The following ITPRIP variants were observed in gnomAD, a reference collection of about 807,000 sequenced individuals.
ITPRIP encodes the protein inositol 1,4,5-trisphosphate receptor interacting protein.
ITPRIP carries 32 observed loss-of-function variants against 35.8 expected under a neutral mutation model. The ratio of observed to expected loss-of-function variants is 0.89; its 90% confidence interval spans 0.68 to 1.20. The LOEUF is 1.20. Among genes scored for constraint, ITPRIP ranks in the 50% most tolerant of loss-of-function variants. The pLI is 0.00. For synonymous variants in ITPRIP, 358 were observed against 324.0 expected (o/e 1.11, Z -1.13); for missense variants, 653 against 735.6 (o/e 0.89, Z 1.30).
chr10:104,318,014 C>T (rs935232127), intron 1 of ITPRIP, among the ~76,000 whole-genome samples: 6 of 152,164 alleles, frequency 3.9e-5, no homozygotes, highest in African/African-American at 1.4e-4. Flanking sequence ...TCAGTGTGGG[C>T]CTCAGAGGTG....
chr10:104,315,004 G>A lies in ITPRIP; in HGVS notation c.1048C>T (p.Pro350Ser), dbSNP rs1389278976. The change falls in exon 2 of 2, where the codon CCT (proline) becomes TCT (serine). Residue 350 changes from proline to serine, a missense_variant. By Grantham distance (74) the Pro-to-Ser change is moderately conservative. Coordinates refer to ENST00000337478, the MANE Select transcript of ITPRIP (RefSeq NM_001272013.2). The surrounding 1 kb of genome is among the most constrained non-coding windows in gnomAD (Gnocchi z 5.7). ...TCCGAGTCATCACACTGGATCACAG[G>A]AATCAGGTTGAAGGGCATGAACTTC... ...SGKFMPFNLI[P>S]VIQCDDSDLY... 2 of 1,613,998 alleles carry A rather than the reference G, an allele frequency of 1.2e-6. No individual in the cohort carries two copies. Among genetic ancestry groups the A allele is most frequent in the East Asian group, 2.2e-5 (1 of 44,888 alleles).
intron 1 of ITPRIP, among the ~76,000 whole-genome samples, chr10:104,319,736 C>G (rs1205185362): frequency 2.6e-5 from 4 of 152,002 alleles, no homozygotes; most frequent in Non-Finnish European, 5.9e-5. Flanking sequence ...TTCCCAAACC[C>G]AGTCACAGGA....
Position 104,313,202 on chromosome 10 carries a change from T to C in ITPRIP, c.*1206A>G, listed in dbSNP as rs1564859562. 1.7e-5 allele frequency: 17 copies of C among 985,400 alleles called. No homozygotes were observed. Among genetic ancestry groups the C allele is most frequent in the East Asian group, 1.1e-4 (1 of 8,818 alleles). The allele number at this position is 985,400 out of a possible 1,614,324, so 61.0% of individuals were successfully genotyped here. A position where few individuals can be genotyped will look rare whatever the true frequency, so the allele number is the denominator to read the frequency against. ...CTTCCATGCACACCCTGCCCTAGGA[T>C]TGGGACCCTGAGGACAACCTGGGGC... On this transcript the variant is annotated 3_prime_UTR_variant, in exon 2 of 2. Coordinates refer to ENST00000337478, the MANE Select transcript of ITPRIP (RefSeq NM_001272013.2).
At chr10:104,337,567 G>A (rs1457223595) in intron 1 of ITPRIP, among the ~76,000 whole-genome samples, 1 of 151,934 alleles carries the variant, frequency 6.6e-6, no homozygotes, top group African/African-American at 2.4e-5. Context: ...TTCACCAGGC[G>A]GCCAGAATGG....
At chr10:104,335,552 C>CGGG (rs1293557519) in intron 1 of ITPRIP, among the ~76,000 whole-genome samples, 1 of 152,200 alleles carries the variant, frequency 6.6e-6, no homozygotes, top group East Asian at 1.9e-4. Flanking sequence ...AGGAAAGTCA[C>CGGG]TTGATTCTTG....
In ITPRIP at chr10:104,315,369, C is replaced by T. The variant is rs778155979; in HGVS notation, c.683G>A (p.Cys228Tyr). ...EPYRFHPELW[C>Y]SGRSVPLDRQ... Reference sequence around the variant, plus strand: ...ATCCAGGGGCACTGAGCGGCCGGAGCACCAGAGCTCTGGGTGGAAGCGGTA... The same window carrying T: ...ATCCAGGGGCACTGAGCGGCCGGAGTACCAGAGCTCTGGGTGGAAGCGGTA... The change falls in exon 2 of 2, where the codon TGC (cysteine) becomes TAC (tyrosine). Residue 228 changes from cysteine (C) to tyrosine (Y), a missense_variant. Coordinates refer to ENST00000337478, the MANE Select transcript of ITPRIP (RefSeq NM_001272013.2). This position sits in a 1 kb window ranked among gnomAD's most constrained non-coding sequence, Gnocchi z 5.7. 1.3e-6 allele frequency: 2 copies of T among 1,562,806 alleles called. No homozygotes were observed. The highest frequency in any genetic ancestry group is 1.7e-6 in the Non-Finnish European group (2 of 1,151,490).
intron 1 of ITPRIP, among the ~76,000 whole-genome samples, chr10:104,322,543 G>A (rs190917041): frequency 1.3e-5 from 2 of 152,308 alleles, no homozygotes; most frequent in Admixed American, 1.3e-4. Context: ...AGCCCTCTAG[G>A]TCATTCTAAT....
At position 104,313,745 on chromosome 10, in the gene ITPRIP, G is replaced by A. The variant is rs182593414; in HGVS notation, c.*663C>T. On this transcript the variant is annotated 3_prime_UTR_variant, in exon 2 of 2. Transcript: ENST00000337478. Reference sequence around the variant, plus strand: ...CTGAGTGAGAAGTGTAGCTGAAAAAGTGGCTAATTGTGTTTCTCTATGCCA... The same window carrying A: ...CTGAGTGAGAAGTGTAGCTGAAAAAATGGCTAATTGTGTTTCTCTATGCCA... 1.0e-6 allele frequency: 1 copy of A among 985,526 alleles called. No individual in the cohort carries two copies. Among genetic ancestry groups the A allele is most frequent in the Admixed American group, 6.1e-5 (1 of 16,282 alleles). 61.0% of individuals were successfully genotyped at this position (985,526 alleles called of 1,614,324 possible).
At chr10:104,322,294 G>A (rs1372546889) in intron 1 of ITPRIP, among the ~76,000 whole-genome samples, 4 of 152,116 alleles carry the variant, frequency 2.6e-5, no homozygotes, top group African/African-American at 9.7e-5. Flanking sequence ...TCATCACACC[G>A]CTTTTGCCCC....
intron 1 of ITPRIP, among the ~76,000 whole-genome samples, chr10:104,327,509 C>G (rs1461786714): frequency 6.6e-6 from 1 of 152,162 alleles, no homozygotes; most frequent in African/African-American, 2.4e-5. Flanking sequence ...CTCTGCTGGC[C>G]AAAACCCTAC....
chr10:104,315,810 T>G lies in ITPRIP; in HGVS notation c.242A>C (p.Glu81Ala). ...CCAGAGGTCCCAGGCCACGCGTGTC[T>G]CGTTCTGCTGCCTGCCCTCCTCCGC... ...QVAEEGRQQNETRVAWDLWST... is the reference protein window; with the variant it reads ...QVAEEGRQQNATRVAWDLWST... The change falls in exon 2 of 2, where the codon GAG becomes GCG. Residue 81 changes from glutamate to alanine, a missense_variant. Physicochemically the swap from Glu to Ala is moderately radical, Grantham distance 107. Coordinates refer to ENST00000337478, the MANE Select transcript of ITPRIP (RefSeq NM_001272013.2). The surrounding 1 kb of genome is among the most constrained non-coding windows in gnomAD (Gnocchi z 5.7). 1 of 1,613,614 alleles carries G rather than the reference T, an allele frequency of 6.2e-7. No homozygotes were observed. The highest frequency in any genetic ancestry group is 8.5e-7 in the Non-Finnish European group (1 of 1,179,728).
chr10:104,315,214 A>C lies in ITPRIP; in HGVS notation c.838T>G (p.Cys280Gly). The C allele has an allele frequency of 6.2e-7, 1 of 1,613,976 alleles. No individual in the cohort carries two copies. The highest frequency in any genetic ancestry group is 8.5e-7 in the Non-Finnish European group (1 of 1,179,948). Reference protein sequence around the residue: ...LHGRNSMAPPCGDMENLLCAT... With the variant: ...LHGRNSMAPPGGDMENLLCAT... ...CACAGCAGGTTCTCCATGTCGCCGC[A>C]GGGAGGCGCCATGCTGTTCCTGCCG... is the stretch of plus-strand genomic sequence containing the variant. The change falls in exon 2 of 2, where the codon TGC becomes GGC. Residue 280 changes from cysteine (C) to glycine (G), a missense_variant. Coordinates refer to ENST00000337478, the MANE Select transcript of ITPRIP (RefSeq NM_001272013.2). The surrounding 1 kb of genome is among the most constrained non-coding windows in gnomAD (Gnocchi z 5.7).
Position 104,310,207 on chromosome 10 carries a change from T to C in ITPRIP, c.*4201A>G, listed in dbSNP as rs1172790770. On this transcript the variant is annotated 3_prime_UTR_variant, in exon 2 of 2. Transcript: ENST00000337478. ...TTCTGAATCACAGCCTTGGGGTGGC[T>C]TGAGTTAAGACTTCCTGGACATTCA... The C allele has an allele frequency of 6.6e-6, 1 of 152,280 alleles. No individual in the cohort carries two copies. Among genetic ancestry groups the C allele is most frequent in the Non-Finnish European group, 1.5e-5 (1 of 68,138 alleles). The allele number at this position is 152,280 out of a possible 1,614,324, so 9.4% of individuals were successfully genotyped here. A position where few individuals can be genotyped will look rare whatever the true frequency, so the allele number is the denominator to read the frequency against.
intron 1 of ITPRIP, among the ~76,000 whole-genome samples, chr10:104,325,083 G>A (rs935182270): frequency 3.9e-5 from 6 of 152,208 alleles, no homozygotes; most frequent in Non-Finnish European, 8.8e-5. Context: ...AGCTGGGCGT[G>A]GTGGCACATG....
Position 104,314,722 on chromosome 10 carries a change from G to A in ITPRIP, c.1330C>T (p.Arg444Trp), listed in dbSNP as rs1443151843. The change falls in exon 2 of 2, where the codon CGG becomes TGG. Residue 444 changes from arginine to tryptophan, a missense_variant. Coordinates refer to ENST00000337478, the MANE Select transcript of ITPRIP (RefSeq NM_001272013.2). The stretch of plus-strand genomic sequence containing the variant: ...CCCGCCTTCCAGTCGGCGGCCTGCC[G>A]GAGGAGTAGGAGGTGCAGTAGGGCC... ...KTALLHLLLLRQAADWKAGQL... is the reference protein window; with the variant it reads ...KTALLHLLLLWQAADWKAGQL... 5.6e-6 allele frequency: 9 copies of A among 1,613,652 alleles called. No individual in the cohort carries two copies. Among genetic ancestry groups the A allele is most frequent in the Admixed American group, 3.3e-5 (2 of 60,008 alleles).
At position 104,328,611 on chromosome 10, in the gene ITPRIP, C is replaced by T. The variant is rs2014081641; in HGVS notation, c.-14+9635G>A. Reference sequence around the variant, plus strand: ...AAAGGAAAACAAGGAGGGAACAAAGCCCTCCCTTGGCCACTCCCCGCCCCC... The same window carrying T: ...AAAGGAAAACAAGGAGGGAACAAAGTCCTCCCTTGGCCACTCCCCGCCCCC... On this transcript the variant is annotated intron_variant, in intron 1 of 1. Transcript: ENST00000337478. This position sits in a 1 kb window ranked among gnomAD's most constrained non-coding sequence, Gnocchi z 4.1. Among the ~76,000 whole-genome samples the T allele has an allele frequency of 6.6e-6, 1 of 152,098 alleles. No individual in the cohort carries two copies. The highest frequency in any genetic ancestry group is 1.5e-5 in the Non-Finnish European group (1 of 68,008).
In ITPRIP at chr10:104,310,443, T is replaced by A. The variant is rs2013457911; in HGVS notation, c.*3965A>T. 6.6e-6 allele frequency: 1 copy of A among 152,134 alleles called. No homozygotes were observed. The highest frequency in any genetic ancestry group is 2.4e-5 in the African/African-American group (1 of 41,410). The allele number at this position is 152,134 out of a possible 1,614,324, so 9.4% of individuals were successfully genotyped here. On this transcript the variant is annotated 3_prime_UTR_variant, in exon 2 of 2. Transcript: ENST00000337478. ...TATTAGCATTCAAGGCTTTGCATGG[T>A]TCAGCCCCACTCTTATCTTTTCAAC...
chr10:104,311,198 T>G lies in ITPRIP; in HGVS notation c.*3210A>C, dbSNP rs938939228. 6.6e-6 allele frequency: 1 copy of G among 152,240 alleles called. No homozygotes were observed. The highest frequency in any genetic ancestry group is 1.5e-5 in the Non-Finnish European group (1 of 68,054). 9.4% of individuals were successfully genotyped at this position (152,240 alleles called of 1,614,324 possible). On this transcript the variant is annotated 3_prime_UTR_variant, in exon 2 of 2. Coordinates refer to ENST00000337478, the MANE Select transcript of ITPRIP (RefSeq NM_001272013.2). ...ACTAGCGTGAATGTGGGTGCCCTCA[T>G]GAGAAGCTTGTGGTGTAGCTGATGC...
At position 104,313,079 on chromosome 10, in the gene ITPRIP, A is replaced by G. The variant is rs2135172881; in HGVS notation, c.*1329T>C. 1 of 985,344 alleles carries G rather than the reference A, an allele frequency of 1.0e-6. No homozygotes were observed. Among genetic ancestry groups the G allele is most frequent in the East Asian group, 1.1e-4 (1 of 8,792 alleles). 61.0% of individuals were successfully genotyped at this position (985,344 alleles called of 1,614,324 possible). ...CATCTGTGTGGTCAGCAGTGCCCAC[A>G]CAGAAGGGGTGGGTTCTGTGCAGTG... On this transcript the variant is annotated 3_prime_UTR_variant, in exon 2 of 2. Coordinates refer to ENST00000337478, the MANE Select transcript of ITPRIP (RefSeq NM_001272013.2).
Sources: allele counts gnomAD v4.1 joint callset (sites outside exome capture counted in the v4.1 genomes callset), GRCh38; gene constraint gnomAD v4.1.1; non-coding constraint Gnocchi (gnomAD v3.1); transcripts MANE v1.5; gene names NCBI Gene and HGNC (gene_info 2026-07-23, HGNC 2026-07-21).